Variants in FRMD4A observed in about 807,000 individuals in gnomAD.
The protein encoded by FRMD4A is FERM domain-containing protein 4A.
A neutral mutation model predicts 129.1 loss-of-function variants in FRMD4A; 29 were observed. The observed-to-expected ratio is 0.22, with a 90% confidence interval of 0.17 to 0.31. FRMD4A has a LOEUF of 0.31. Among genes scored for constraint, FRMD4A ranks in the 10% least tolerant of loss-of-function variants. The pLI is 1.00. For synonymous variants in FRMD4A, 634 were observed against 571.6 expected (o/e 1.11, Z -1.56); for missense variants, 1,272 against 1,375.8 (o/e 0.92, Z 1.19).
At chr10:13,992,262 A>T (rs2095606000) in intron 2 of FRMD4A, among the ~76,000 whole-genome samples, 1 of 152,224 alleles carries the variant, frequency 6.6e-6, no homozygotes, top group African/African-American at 2.4e-5. Context: ...GTTTCTACAA[A>T]CACTTGCTTC....
intron 2 of FRMD4A, among the ~76,000 whole-genome samples, chr10:14,267,129 G>A (rs1332779301): frequency 2.0e-5 from 3 of 152,194 alleles, no homozygotes; most frequent in Non-Finnish European, 4.4e-5. Flanking sequence ...TCTACAAATA[G>A]AGTCTATGGC....
chr10:13,963,713 G>A lies in FRMD4A; in HGVS notation c.46-104801C>T, dbSNP rs182825743. Reference sequence around the variant, plus strand: ...CTATAAAGAAGAAAACACACAAAGCGTTCTACGTAATTACAAACCCTATTC... The same window carrying A: ...CTATAAAGAAGAAAACACACAAAGCATTCTACGTAATTACAAACCCTATTC... On this transcript the variant is annotated intron_variant, in intron 2 of 24. Coordinates refer to ENST00000357447, the MANE Select transcript of FRMD4A (RefSeq NM_018027.5). Among the ~76,000 whole-genome samples, 233 of 152,220 alleles carry A rather than the reference G, an allele frequency of 1.5e-3. 3 individuals carry two copies. Among genetic ancestry groups the A allele is most frequent in the Non-Finnish European group, 2.8e-4 (19 of 68,010 alleles).
intron 2 of FRMD4A, among the ~76,000 whole-genome samples, chr10:14,317,735 G>A (rs1157723321): frequency 7.6e-6 from 1 of 132,146 alleles, no homozygotes; most frequent in Admixed American, 8.3e-5. Context: ...GAAAGGAGAG[G>A]AGAAGACAAG....
At chr10:14,068,990 T>C (rs1481617018) in intron 2 of FRMD4A, among the ~76,000 whole-genome samples, 3 of 151,168 alleles carry the variant, frequency 2.0e-5, no homozygotes, top group African/African-American at 7.3e-5. Context: ...GTTCAATGCA[T>C]CATTTTTGTT....
At position 13,884,122 on chromosome 10, in the gene FRMD4A, T is replaced by TCACACACACACACACACTCACC. The variant is rs777007506; in HGVS notation, c.46-25211_46-25210insGGTGAGTGTGTGTGTGTGTGTG. ...AAAAGAAACACACACACACACACAC[T>TCACACACACACACACACTCACC]CACACACACGCTCACACACACTCTC... On this transcript the variant is annotated intron_variant, in intron 2 of 24. Transcript: ENST00000357447. 1.4e-4 allele frequency among the ~76,000 whole-genome samples: 11 copies of TCACACACACACACACACTCACC among 78,262 alleles called. 1 individual carries two copies. Among genetic ancestry groups the TCACACACACACACACACTCACC allele is most frequent in the Non-Finnish European group, 1.6e-4 (6 of 37,258 alleles). The allele number at this position is 78,262 out of a possible 152,430, so 51.3% of individuals were successfully genotyped here.
chr10:13,774,414 G>A (rs2092545482), intron 6 of FRMD4A, among the ~76,000 whole-genome samples: 1 of 152,180 alleles, frequency 6.6e-6, no homozygotes. Flanking sequence ...TTAAAGAGAT[G>A]AGAGGTTCGT....
intron 2 of FRMD4A, chr10:13,971,642 G>C: frequency 7.8e-7 from 1 of 1,287,232 alleles, no homozygotes. Context: ...CGAAAGAGGA[G>C]CTTCTGGTCC....
chr10:13,670,261 G>T, intron 17 of FRMD4A, 145 bp downstream of exon 17: 1 of 742,662 alleles, frequency 1.3e-6, no homozygotes, highest in Non-Finnish European at 2.2e-6. Context: ...ATACTGACCG[G>T]CCAGCTCACT....
At chr10:13,773,001 C>G (rs533653883) in intron 6 of FRMD4A, among the ~76,000 whole-genome samples, 2 of 152,202 alleles carry the variant, frequency 1.3e-5, no homozygotes, top group South Asian at 4.1e-4. Flanking sequence ...GGGGTGGATA[C>G]CCCATTTGCC....
At chr10:13,717,103 T>C (rs2088884027) in intron 12 of FRMD4A, among the ~76,000 whole-genome samples, 1 of 152,088 alleles carries the variant, frequency 6.6e-6, no homozygotes, top group African/African-American at 2.4e-5. Flanking sequence ...GACCCAGTGA[T>C]GTGTGGCTTA....
intron 2 of FRMD4A, among the ~76,000 whole-genome samples, chr10:14,320,556 C>T (rs898476229): frequency 2.0e-5 from 3 of 152,344 alleles, no homozygotes; most frequent in African/African-American, 4.8e-5. Context: ...CTAGATCTCA[C>T]ACACCTGTCC....
chr10:13,799,410 G>A (rs572666050), intron 4 of FRMD4A, among the ~76,000 whole-genome samples: 3 of 152,282 alleles, frequency 2.0e-5, no homozygotes, highest in African/African-American at 4.8e-5. Context: ...CACCTGCCTC[G>A]GCCTCCCAAA....
intron 14 of FRMD4A, among the ~76,000 whole-genome samples, chr10:13,697,030 C>T (rs536326128): frequency 2.6e-4 from 39 of 152,316 alleles, no homozygotes; most frequent in Admixed American, 1.3e-3. Context: ...ACTTATCCCC[C>T]TTGTCATACC....
intron 2 of FRMD4A, among the ~76,000 whole-genome samples, chr10:13,993,840 GTTT>G (rs59181140): frequency 7.4e-5 from 11 of 149,274 alleles, no homozygotes; most frequent in Admixed American, 1.3e-4. Flanking sequence ...GTCAGAATAG[GTTT>G]TTTTTTTTTA....
At position 14,278,560 on chromosome 10, in the gene FRMD4A, G is replaced by A. The variant is rs185963933; in HGVS notation, c.45+51498C>T. On this transcript the variant is annotated intron_variant, in intron 2 of 24. Transcript: ENST00000357447. Reference sequence around the variant, plus strand: ...GAAACATTTGTTCTTACAACCCTTTGTTGAAATAAATAAATAGGGCCAGAC... The same window carrying A: ...GAAACATTTGTTCTTACAACCCTTTATTGAAATAAATAAATAGGGCCAGAC... Among the ~76,000 whole-genome samples the A allele has an allele frequency of 3.4e-4, 51 of 152,228 alleles. No homozygotes were observed. The East Asian group carries it at 7.1e-3, about 21-fold the overall frequency.
chr10:13,660,556 G>A lies in FRMD4A; in HGVS notation c.1661-3C>T. ...TGTGCTGGTAACCTGAGAGTCTTCT[G>A]CACAAAGACAGGAAGAGAGGAACTG... On this transcript the variant is annotated splice_polypyrimidine_tract_variant and splice_region_variant and intron_variant, in intron 19 of 24. Coordinates refer to ENST00000357447, the MANE Select transcript of FRMD4A (RefSeq NM_018027.5). 1.9e-6 allele frequency: 3 copies of A among 1,563,296 alleles called. No homozygotes were observed. The highest frequency in any genetic ancestry group is 2.6e-6 in the Non-Finnish European group (3 of 1,138,428).
intron 2 of FRMD4A, among the ~76,000 whole-genome samples, chr10:14,084,300 C>T (rs182874890): frequency 6.6e-6 from 1 of 152,268 alleles, no homozygotes; most frequent in Admixed American, 6.5e-5. Flanking sequence ...GCATGCGCCA[C>T]CATGCCTGGC....
chr10:13,648,337 A>C (rs2081282125), intron 24 of FRMD4A: 1 of 152,230 alleles, frequency 6.6e-6, no homozygotes, highest in African/African-American at 2.4e-5. Context: ...CTCCACCCTA[A>C]GCTGACTTTT....
At chr10:14,018,503 C>T (rs2095706453) in intron 2 of FRMD4A, among the ~76,000 whole-genome samples, 4 of 146,468 alleles carry the variant, frequency 2.7e-5, no homozygotes, top group Admixed American at 2.7e-4. Context: ...AAGATTCTGA[C>T]TTGCATACTA....
Sources: gnomAD v4.1 joint callset for allele counts (sites outside exome capture counted in the v4.1 genomes callset) on GRCh38, gnomAD v4.1.1 for gene constraint, MANE v1.5 for transcripts, NCBI Gene and HGNC (gene_info 2026-07-23, HGNC 2026-07-21) for gene names.